The following PCDHA9 variants were observed in gnomAD, a reference collection of about 807,000 sequenced individuals.
The protein encoded by PCDHA9 is protocadherin alpha 9, also known as protocadherin alpha-9.
PCDHA9 carries 62 observed loss-of-function variants against 62.0 expected under a neutral mutation model. That is an observed-to-expected ratio of 1.00 (90% CI 0.81 to 1.23). The LOEUF (loss-of-function observed/expected upper bound fraction) is 1.23. PCDHA9 is among the 50% of genes most tolerant of loss of function. The pLI, the probability that PCDHA9 is intolerant of heterozygous loss-of-function variation, is 0.00. For missense variants in PCDHA9, 1,205 were observed against 1,249.8 expected (o/e 0.96, Z 0.54); for synonymous variants, 557 against 567.6 (o/e 0.98, Z 0.27).
intron 3 of PCDHA9, among the ~76,000 whole-genome samples, chr5:140,987,890 C>T (rs1554249653): frequency 1.3e-5 from 2 of 152,020 alleles, no homozygotes; most frequent in African/African-American, 4.8e-5. Flanking sequence ...TTTATGTGCC[C>T]TAGTTTTATA....
intron 3 of PCDHA9, among the ~76,000 whole-genome samples, chr5:141,004,872 C>T (rs1242067093): frequency 6.6e-6 from 1 of 152,042 alleles, no homozygotes; most frequent in Non-Finnish European, 1.5e-5. Context: ...GTTTCTCATC[C>T]CTAAAGTGCT....
In PCDHA9 at chr5:140,850,586, C is replaced by T. The variant is rs10040059; in HGVS notation, c.2091C>T (p.Asn697=). ...TGPEVTLVDV[N]VYLIIAICAV... The stretch of plus-strand genomic sequence containing the variant: ...CCGAGGTGACGCTGGTGGATGTCAA[C>T]GTGTACCTGATCATCGCCATCTGCG... Residue 697 remains asparagine (N), a synonymous_variant, in exon 1 of 4, where the codon AAC becomes AAT. Transcript: ENST00000532602. 1,289 of 1,598,414 alleles carry T rather than the reference C, an allele frequency of 8.1e-4. 73 individuals carry two copies. In the African/African-American group the frequency reaches 0.014, roughly 17 times the overall value.
rs548391443 is a variant in PCDHA9, at chr5:140,892,979, C to T, written c.2394+42090C>T. Among the ~76,000 whole-genome samples, 6 of 152,224 alleles carry T rather than the reference C, an allele frequency of 3.9e-5. No individual in the cohort carries two copies. The South Asian group carries it at 1.2e-3, about 32-fold the overall frequency. On this transcript the variant is annotated intron_variant, in intron 1 of 3. Transcript: ENST00000532602. ...GAGCTCAATAAAATTTTGTAGCTGC[C>T]GTATAAGTGAGAACATGTATTTATT...
chr5:140,876,699 G>T (rs782209543), intron 1 of PCDHA9: 1 of 1,614,228 alleles, frequency 6.2e-7, no homozygotes. Context: ...CGTTGGTGCT[G>T]GACAGCGCCC....
chr5:140,993,459 TTC>T lies in PCDHA9; in HGVS notation c.2542+10899_2542+10900del, dbSNP rs202191067. Among the ~76,000 whole-genome samples the T allele has an allele frequency of 6.6e-3, 550 of 83,072 alleles. 5 individuals carry two copies. The highest frequency in any genetic ancestry group is 0.016 in the African/African-American group (346 of 21,866). The allele number at this position is 83,072 out of a possible 152,430, so 54.5% of individuals were successfully genotyped here. ...ATTCATTCCTGTTCTCCTTCTTTCTTTCTCACACACACACACACACACACACA... is the reference window on the plus strand; with the variant it reads ...ATTCATTCCTGTTCTCCTTCTTTCTTTCACACACACACACACACACACACA... On this transcript the variant is annotated intron_variant, in intron 3 of 3. Transcript: ENST00000532602.
In PCDHA9 at chr5:140,871,306, A is replaced by T. The variant is rs782244596; in HGVS notation, c.2394+20417A>T. The T allele has an allele frequency of 3.7e-6, 6 of 1,613,964 alleles. No homozygotes were observed. In the East Asian group the frequency reaches 1.3e-4, roughly 36 times the overall value. ...CACTGAGGGCGCGTGCGCGCCGGGG[A>T]AGCCCACGCTGGTGTGCTCCCGCGC... On this transcript the variant is annotated intron_variant, in intron 1 of 3. Transcript: ENST00000532602.
intron 3 of PCDHA9, among the ~76,000 whole-genome samples, chr5:140,991,357 T>G (rs1409351374): frequency 2.6e-5 from 4 of 152,258 alleles, no homozygotes; most frequent in African/African-American, 9.6e-5. Flanking sequence ...AAAGACTATT[T>G]ACTGTCTGAG....
At chr5:140,891,007 G>A (rs1228475433) in intron 1 of PCDHA9, among the ~76,000 whole-genome samples, 7 of 152,030 alleles carry the variant, frequency 4.6e-5, no homozygotes, top group African/African-American at 7.3e-5. Context: ...TTATTGAAAA[G>A]CATTTTTTCT....
intron 1 of PCDHA9, among the ~76,000 whole-genome samples, chr5:140,937,123 C>T (rs1255527159): frequency 1.3e-5 from 2 of 151,390 alleles, no homozygotes; most frequent in Non-Finnish European, 2.9e-5. Context: ...CTGCAAGCTC[C>T]GCCTCCCGGG....
chr5:140,875,517 G>A (rs2055556431), intron 1 of PCDHA9: 7 of 1,614,024 alleles, frequency 4.3e-6, no homozygotes, highest in Non-Finnish European at 5.9e-6. Flanking sequence ...AGCGTCTGCT[G>A]CTCTCGCTTC....
rs77098340 is a variant in PCDHA9 at position 140,895,412 on chromosome 5, C to T, written c.2394+44523C>T. 8.0e-3 allele frequency among the ~76,000 whole-genome samples: 1,218 copies of T among 152,216 alleles called. 6 individuals carry two copies. Among genetic ancestry groups the T allele is most frequent in the African/African-American group, 0.019 (785 of 41,528 alleles). On this transcript the variant is annotated intron_variant, in intron 1 of 3. Coordinates refer to ENST00000532602, the MANE Select transcript of PCDHA9 (RefSeq NM_031857.2). The stretch of plus-strand genomic sequence containing the variant: ...CTCAACACCATCAAAAGCCCCATAA[C>T]CTTCTTTTGCTTCCTCCTGAGACTC...
At chr5:140,992,807 C>G (rs781970284) in intron 3 of PCDHA9, among the ~76,000 whole-genome samples, 6 of 152,108 alleles carry the variant, frequency 3.9e-5, no homozygotes, top group Non-Finnish European at 4.4e-5. Flanking sequence ...CCATATGTAT[C>G]TAAGGATGTG....
At chr5:140,949,117 T>C (rs1295254726) in intron 1 of PCDHA9, among the ~76,000 whole-genome samples, 2 of 151,762 alleles carry the variant, frequency 1.3e-5, no homozygotes, top group Admixed American at 6.6e-5. Context: ...CAAATATTTT[T>C]GGTTTTCCTA....
intron 1 of PCDHA9, among the ~76,000 whole-genome samples, chr5:140,922,557 CA>C (rs1214132732): frequency 3.2e-4 from 49 of 152,258 alleles, no homozygotes; most frequent in African/African-American, 1.1e-3. Context: ...GGAGAAAAGT[CA>C]GGATGACAAG....
At chr5:140,853,868 T>C (rs2042891681) in intron 1 of PCDHA9, 1 of 983,114 alleles carries the variant, frequency 1.0e-6, no homozygotes, top group South Asian at 4.7e-5. Flanking sequence ...TACTTGACAG[T>C]GCAAGTTTCT....
At chr5:140,953,514 AC>A (rs1209488542) in intron 1 of PCDHA9, among the ~76,000 whole-genome samples, 2 of 152,136 alleles carry the variant, frequency 1.3e-5, no homozygotes, top group Non-Finnish European at 2.9e-5. Flanking sequence ...GGCCAAAGCA[AC>A]AAAAACGGGA....
chr5:140,947,551 C>G (rs1203978810), intron 1 of PCDHA9, among the ~76,000 whole-genome samples: 3 of 151,488 alleles, frequency 2.0e-5, no homozygotes, highest in Non-Finnish European at 4.4e-5. Context: ...AAGAATTCCG[C>G]TGGGATTTAT....
intron 1 of PCDHA9, chr5:140,870,533 C>T (rs1185177447): frequency 1.2e-6 from 2 of 1,614,050 alleles, no homozygotes; most frequent in East Asian, 2.2e-5. Flanking sequence ...TTCACAGTGT[C>T]GGCGCGGGAC....
At chr5:141,009,604 A>T (rs782247768) in intron 3 of PCDHA9, 23 bp from the exon 4 acceptor site, 2 of 1,608,944 alleles carry the variant, frequency 1.2e-6, no homozygotes, top group East Asian at 4.5e-5. Context: ...CCTGTTAATG[A>T]TTTGTAATGT....
Sources: allele counts gnomAD v4.1 joint callset (sites outside exome capture counted in the v4.1 genomes callset), GRCh38; gene constraint gnomAD v4.1.1; transcripts MANE v1.5; gene names NCBI Gene and HGNC (gene_info 2026-07-23, HGNC 2026-07-21).